LRRK1: variants seen among roughly 807,000 people sequenced by gnomAD.
LRRK1 encodes leucine rich repeat kinase 1.
Under a neutral mutation model 209.1 loss-of-function variants are expected in LRRK1, and 113 were observed. The ratio of observed to expected loss-of-function variants is 0.54; its 90% CI spans 0.46 to 0.63. The LOEUF (loss-of-function observed/expected upper bound fraction) is 0.63, where lower values mean the gene tolerates loss of function less well. LRRK1 is among the 30% of genes least tolerant of loss of function. The probability of loss-of-function intolerance (pLI) is 0.00; values close to 1 mark genes in which losing one functional copy is unlikely to be tolerated. For synonymous variants in LRRK1, 1,144 were observed against 1,099.7 expected (o/e 1.04, Z -0.80); for missense variants, 2,284 against 2,632.2 (o/e 0.87, Z 2.89).
At position 101,010,423 on chromosome 15, in the gene LRRK1, G is replaced by T. The variant is rs778961829; in HGVS notation, c.990-27G>T. ...TGGTGTTTTCCCTCTTTATTCTGAT[G>T]CCTGCCTTCCTTCTTCTCCATCGCA... On this transcript the variant is annotated intron_variant, in intron 7 of 33. Transcript: ENST00000388948. 3.5e-5 allele frequency: 56 copies of T among 1,593,974 alleles called. 1 individual carries two copies. In the South Asian group the frequency reaches 6.4e-4, roughly 18 times the overall value.
chr15:100,945,969 T>C (rs1471158057), intron 2 of LRRK1, among the ~76,000 whole-genome samples: 1 of 152,188 alleles, frequency 6.6e-6, no homozygotes, highest in African/African-American at 2.4e-5. Flanking sequence ...AAAGAGGCTA[T>C]AGAGGAAATA....
In LRRK1 at chr15:101,070,123, C is replaced by A. The variant is rs554827516; in HGVS notation, c.*1275C>A. On this transcript the variant is annotated 3_prime_UTR_variant, in exon 34 of 34. Coordinates refer to ENST00000388948, the MANE Select transcript of LRRK1 (RefSeq NM_024652.6). ...TCTTTCAAGAACGAAGCTGTGGCCT[C>A]TGTCTTTTGAGCGCTTATGACCACA... 3 of 152,276 alleles carry A rather than the reference C, an allele frequency of 2.0e-5. No homozygotes were observed. In the South Asian group the frequency reaches 6.2e-4, roughly 32 times the overall value. 9.4% of individuals were successfully genotyped at this position (152,276 alleles called of 1,614,324 possible).
At position 100,989,373 on chromosome 15, in the gene LRRK1, T is replaced by C. The variant is rs1489194935; in HGVS notation, c.737T>C (p.Leu246Ser). 6.2e-7 allele frequency: 1 copy of C among 1,614,228 alleles called. No individual in the cohort carries two copies. ...AAGTACTTCATTGAAGCCAGTCCCT[T>C]GCCCAGCAGTTATCCGGGAAAAACA... is the stretch of plus-strand genomic sequence containing the variant. ...LRKYFIEASP[L>S]PSSYPGKTAL... Residue 246 changes from leucine (L) to serine (S), a missense_variant, in exon 6 of 34, where the codon TTG (leucine) becomes TCG (serine). Leu to Ser is a moderately radical substitution (Grantham distance 145). Coordinates refer to ENST00000388948, the MANE Select transcript of LRRK1 (RefSeq NM_024652.6).
chr15:101,061,179 C>T lies in LRRK1; in HGVS notation c.4688C>T (p.Thr1563Met), dbSNP rs774839951. Reference sequence around the variant, plus strand: ...GTTTCTGCCACTTACAGGAACTACACGGTGGTGAACACAGAGAAGGGCCTC... The same window carrying T: ...GTTTCTGCCACTTACAGGAACTACATGGTGGTGAACACAGAGAAGGGCCTC... ...WDGKEESRNY[T>M]VVNTEKGLME... The change falls in exon 30 of 34, where the codon ACG (threonine) becomes ATG (methionine). Residue 1563 changes from threonine to methionine, a missense_variant. Around this residue, in one of 6 missense-constraint regions of LRRK1, gnomAD observed 643 missense variants for 695.9 expected, o/e 0.92. Coordinates refer to ENST00000388948, the MANE Select transcript of LRRK1 (RefSeq NM_024652.6). The T allele has an allele frequency of 1.3e-5, 21 of 1,612,792 alleles. No individual in the cohort carries two copies. Among genetic ancestry groups the T allele is most frequent in the Admixed American group, 3.3e-5 (2 of 59,976 alleles).
chr15:101,033,416 C>T (rs1051580440), intron 20 of LRRK1, among the ~76,000 whole-genome samples: 2 of 152,172 alleles, frequency 1.3e-5, no homozygotes, highest in African/African-American at 2.4e-5. Context: ...AACCTCTCTT[C>T]CTCCCACTCT....
intron 3 of LRRK1, among the ~76,000 whole-genome samples, chr15:100,978,857 T>C (rs1171647326): frequency 8.9e-6 from 1 of 112,974 alleles, no homozygotes; most frequent in Non-Finnish European, 1.8e-5. Flanking sequence ...TAGTCCCTTC[T>C]AGAAAATAGA....
At chr15:101,025,926 A>G in intron 16 of LRRK1, 39 bp from the exon 17 acceptor site, 1 of 1,610,172 alleles carries the variant, frequency 6.2e-7, no homozygotes. Context: ...TTGTTCCATG[A>G]ACAGAGACAG....
rs79387719 is a variant in LRRK1 at position 101,011,833 on chromosome 15, C to T, written c.1282-175C>T. On this transcript the variant is annotated intron_variant, in intron 9 of 33. Coordinates refer to ENST00000388948, the MANE Select transcript of LRRK1 (RefSeq NM_024652.6). ...TCCTGTCCCTTCCTTGGAGTAGGGGCGGGAGGACAAGGACAGTGAGGGTGT... is the reference window on the plus strand; with the variant it reads ...TCCTGTCCCTTCCTTGGAGTAGGGGTGGGAGGACAAGGACAGTGAGGGTGT... Among the ~76,000 whole-genome samples the T allele has an allele frequency of 4.0e-3, 609 of 152,152 alleles. 3 individuals are homozygous for T. The highest frequency in any genetic ancestry group is 0.024 in the Middle Eastern group (7 of 294).
chr15:101,013,972 C>T (rs934928026), intron 10 of LRRK1, among the ~76,000 whole-genome samples: 2 of 152,178 alleles, frequency 1.3e-5, no homozygotes, highest in Admixed American at 6.5e-5. Flanking sequence ...GTCCTCCAAA[C>T]CATCAGAGTC....
chr15:101,040,092 G>A (rs915362662), intron 20 of LRRK1, among the ~76,000 whole-genome samples: 1 of 152,120 alleles, frequency 6.6e-6, no homozygotes, highest in African/African-American at 2.4e-5. Context: ...GAATTGAAAA[G>A]ATTTTTTTCC....
At chr15:101,018,269 G>A (rs1252838487) in intron 12 of LRRK1, among the ~76,000 whole-genome samples, 1 of 151,772 alleles carries the variant, frequency 6.6e-6, no homozygotes, top group Non-Finnish European at 1.5e-5. Flanking sequence ...AGAGGGCCAG[G>A]AAACAAATGA....
At position 101,078,031 on chromosome 15, in the gene LRRK1, G is replaced by C. The variant is rs1369128465; in HGVS notation, c.*9183G>C. 1 of 156,292 alleles carries C rather than the reference G, an allele frequency of 6.4e-6. No individual in the cohort carries two copies. The allele number at this position is 156,292 out of a possible 1,614,324, so 9.7% of individuals were successfully genotyped here. On this transcript the variant is annotated 3_prime_UTR_variant, in exon 34 of 34. Coordinates refer to ENST00000388948, the MANE Select transcript of LRRK1 (RefSeq NM_024652.6). ...TTGCCTTAAGTGATGACATTACCTT[G>C]TGAAAGTCCTTTTCCTGGCTCATCC...
Position 101,051,955 on chromosome 15 carries a change from G to T in LRRK1, c.3684G>T (p.Pro1228=), listed in dbSNP as rs537117067. The change falls in exon 24 of 34, where the codon CCG becomes CCT. Residue 1228 remains proline, a synonymous_variant. Coordinates refer to ENST00000388948, the MANE Select transcript of LRRK1 (RefSeq NM_024652.6). The stretch of plus-strand genomic sequence containing the variant: ...CTGAACTGTTCATGACCGACTTCCC[G>T]GCCAGGTATGCCCCGAAGGCCCCTC... ...LVPELFMTDF[P]ARLFLENSKL... is the part of the protein sequence containing the mutation. 1 of 1,612,702 alleles carries T rather than the reference G, an allele frequency of 6.2e-7. No individual in the cohort carries two copies. The highest frequency in any genetic ancestry group is 1.3e-5 in the African/African-American group (1 of 74,918).
At chr15:101,005,457 G>GA (rs543391512) in intron 6 of LRRK1, among the ~76,000 whole-genome samples, 12 of 152,188 alleles carry the variant, frequency 7.9e-5, no homozygotes, top group Admixed American at 2.0e-4. Context: ...AAAGATGAGG[G>GA]AAAAAAACCC....
chr15:101,003,800 C>G (rs964204762), intron 6 of LRRK1, among the ~76,000 whole-genome samples: 12 of 152,290 alleles, frequency 7.9e-5, no homozygotes, highest in African/African-American at 2.6e-4. Context: ...CCATATCACC[C>G]TCTTAGCTCC....
intron 3 of LRRK1, among the ~76,000 whole-genome samples, chr15:100,979,350 A>G (rs2031474978): frequency 6.6e-6 from 1 of 152,218 alleles, no homozygotes; most frequent in Non-Finnish European, 1.5e-5. Flanking sequence ...TCAATATAAT[A>G]CTGCAAGTTC....
At chr15:101,006,826 G>A (rs543721412) in intron 6 of LRRK1, among the ~76,000 whole-genome samples, 1 of 152,362 alleles carries the variant, frequency 6.6e-6, no homozygotes, top group African/African-American at 2.4e-5. Context: ...GGTATTCACT[G>A]TGTCCTAGTG....
At chr15:101,029,501 T>C (rs1596297532) in intron 20 of LRRK1, among the ~76,000 whole-genome samples, 1 of 143,932 alleles carries the variant, frequency 6.9e-6, no homozygotes, top group Non-Finnish European at 1.5e-5. Flanking sequence ...TAGGAAAACA[T>C]GGAAGGATGT....
chr15:101,058,167 C>T (rs1169245064), intron 29 of LRRK1, 26 bp downstream of exon 29: 3 of 1,610,376 alleles, frequency 1.9e-6, no homozygotes, highest in Non-Finnish European at 2.5e-6. Flanking sequence ...CTGCCCTGCC[C>T]CCTTTGTATT....
Sources: allele counts gnomAD v4.1 joint callset (sites outside exome capture counted in the v4.1 genomes callset), GRCh38; gene constraint gnomAD v4.1.1; regional missense constraint gnomAD v4.1.1; transcripts MANE v1.5; gene names NCBI Gene and HGNC (gene_info 2026-07-23, HGNC 2026-07-21).